CADPS: variants seen among roughly 807,000 people sequenced by gnomAD.
The protein encoded by CADPS is calcium-dependent secretion activator 1.
CADPS carries 57 observed loss-of-function variants against 167.3 expected under a neutral mutation model. The observed-to-expected ratio is 0.34, with a 90% CI of 0.28 to 0.42. CADPS has a LOEUF of 0.42. Ranked by LOEUF, CADPS falls within the 20% of genes least tolerant of loss-of-function variation. CADPS has a pLI of 1.00. For synonymous variants in CADPS, 676 were observed against 635.3 expected (o/e 1.06, Z -0.96); for missense variants, 1,414 against 1,738.1 (o/e 0.81, Z 3.32).
chr3:62,686,725 T>C (rs1310532089), intron 3 of CADPS, among the ~76,000 whole-genome samples: 1 of 152,064 alleles, frequency 6.6e-6, no homozygotes, highest in Non-Finnish European at 1.5e-5. Flanking sequence ...GTCTGTCTTG[T>C]ATTGGTGACT....
chr3:62,800,831 G>A (rs189787110), intron 1 of CADPS, among the ~76,000 whole-genome samples: 123 of 152,148 alleles, frequency 8.1e-4, no homozygotes, highest in Middle Eastern at 3.4e-3. Context: ...CAGAAAACGC[G>A]TTTACAAAAC....
Position 62,874,492 on chromosome 3 carries a change from G to C in CADPS, c.441+97C>G. 1 of 951,324 alleles carries C rather than the reference G, an allele frequency of 1.1e-6. No individual in the cohort carries two copies. Among genetic ancestry groups the C allele is most frequent in the Non-Finnish European group, 1.6e-6 (1 of 627,756 alleles). The allele number at this position is 951,324 out of a possible 1,614,324, so 58.9% of individuals were successfully genotyped here. On this transcript the variant is annotated intron_variant, in intron 1 of 29. Coordinates refer to ENST00000383710, the MANE Select transcript of CADPS (RefSeq NM_003716.4). The surrounding 1 kb of genome is among the most constrained non-coding windows in gnomAD (Gnocchi z 7.1). ...CCAGGGCGCGGTCTCCACCTCTCCTGCTCCTCCTCGCCAGCTGCGCCGCCA... is the reference window on the plus strand; with the variant it reads ...CCAGGGCGCGGTCTCCACCTCTCCTCCTCCTCCTCGCCAGCTGCGCCGCCA...
At chr3:62,518,598 G>A (rs1309537881) in intron 13 of CADPS, among the ~76,000 whole-genome samples, 1 of 152,160 alleles carries the variant, frequency 6.6e-6, no homozygotes, top group East Asian at 1.9e-4. Context: ...AGGGAAGTTT[G>A]AGAATACGAT....
At chr3:62,477,636 T>G (rs1028138203) in intron 23 of CADPS, among the ~76,000 whole-genome samples, 4 of 152,178 alleles carry the variant, frequency 2.6e-5, no homozygotes, top group Admixed American at 6.5e-5. Flanking sequence ...ACAGCATTCC[T>G]AACCTAGTCC....
intron 3 of CADPS, among the ~76,000 whole-genome samples, chr3:62,739,627 A>G (rs4994163): frequency 0.4 from 60,642 of 151,970 alleles, 12,550 homozygotes; most frequent in African/African-American, 0.48. Flanking sequence ...CTCAGATTCC[A>G]CCCTTACTCT....
chr3:62,668,488 C>G (rs920624835), intron 3 of CADPS, among the ~76,000 whole-genome samples: 1 of 152,194 alleles, frequency 6.6e-6, no homozygotes, highest in Admixed American at 6.5e-5. Context: ...GCCTGGAGCA[C>G]TCTTCCTTAT....
chr3:62,527,342 T>C (rs1016126366), intron 13 of CADPS, among the ~76,000 whole-genome samples: 5 of 152,136 alleles, frequency 3.3e-5, no homozygotes, highest in Admixed American at 2.0e-4. Flanking sequence ...TTATAGGATG[T>C]TTAATAATAT....
chr3:62,528,717 A>G (rs987238387), intron 13 of CADPS, among the ~76,000 whole-genome samples: 1 of 152,338 alleles, frequency 6.6e-6, no homozygotes, highest in East Asian at 1.9e-4. Flanking sequence ...TCTTCAGCAT[A>G]TAAGTACAGT....
chr3:62,448,012 G>A (rs2057476116), intron 26 of CADPS, among the ~76,000 whole-genome samples: 2 of 152,048 alleles, frequency 1.3e-5, no homozygotes, highest in South Asian at 2.1e-4. Context: ...AATCAGATCC[G>A]TTTACAATCG....
At chr3:62,645,970 G>A in intron 5 of CADPS, 127 bp from the exon 6 acceptor site, 1 of 1,025,504 alleles carries the variant, frequency 9.8e-7, no homozygotes, top group Admixed American at 2.3e-5. Context: ...TGTTAGGTTT[G>A]TACCAGTCAT....
At chr3:62,597,435 A>C (rs1165102092) in intron 6 of CADPS, among the ~76,000 whole-genome samples, 1 of 152,208 alleles carries the variant, frequency 6.6e-6, no homozygotes, top group Non-Finnish European at 1.5e-5. Flanking sequence ...TTTCTGCTGG[A>C]AACCAAAAGA....
At chr3:62,865,693 T>C (rs187020473) in intron 1 of CADPS, among the ~76,000 whole-genome samples, 1 of 152,234 alleles carries the variant, frequency 6.6e-6, no homozygotes, top group South Asian at 2.1e-4. Flanking sequence ...AAAGTCCATA[T>C]CTAAGAAGCA....
intron 6 of CADPS, among the ~76,000 whole-genome samples, chr3:62,605,919 C>G (rs2060635283): frequency 6.6e-6 from 1 of 152,186 alleles, no homozygotes; most frequent in Admixed American, 6.5e-5. Context: ...TTTGTGTTTT[C>G]TCAGTCTGAG....
intron 3 of CADPS, among the ~76,000 whole-genome samples, chr3:62,740,732 C>A (rs778001089): frequency 6.6e-6 from 1 of 152,144 alleles, no homozygotes; most frequent in Non-Finnish European, 1.5e-5. Context: ...CCACTAACTA[C>A]CATCACCAAC....
At chr3:62,428,625 A>G (rs2053271845) in intron 28 of CADPS, among the ~76,000 whole-genome samples, 1 of 152,062 alleles carries the variant, frequency 6.6e-6, no homozygotes, top group African/African-American at 2.4e-5. Context: ...AACAATTCCT[A>G]AGCTCGACTT....
At chr3:62,690,921 C>T (rs2078991846) in intron 3 of CADPS, among the ~76,000 whole-genome samples, 1 of 151,920 alleles carries the variant, frequency 6.6e-6, no homozygotes, top group Admixed American at 6.6e-5. Context: ...AACTTAGAAG[C>T]AAACAAGACA....
At chr3:62,735,961 A>G (rs1020579514) in intron 3 of CADPS, among the ~76,000 whole-genome samples, 1 of 152,350 alleles carries the variant, frequency 6.6e-6, no homozygotes, top group Non-Finnish European at 1.5e-5. Context: ...TCCAGCTATT[A>G]TAATACAGTC....
intron 3 of CADPS, among the ~76,000 whole-genome samples, chr3:62,676,256 C>T (rs181296265): frequency 8.3e-4 from 127 of 152,116 alleles, no homozygotes; most frequent in Non-Finnish European, 1.5e-3. Context: ...TGAAGTGAAA[C>T]CCAAATGATT....
chr3:62,499,193 A>G lies in CADPS; in HGVS notation c.2675T>C (p.Val892Ala). The G allele has an allele frequency of 6.2e-7, 1 of 1,613,684 alleles. No individual in the cohort carries two copies. The highest frequency in any genetic ancestry group is 8.5e-7 in the Non-Finnish European group (1 of 1,179,588). The change falls in exon 18 of 30, where the codon GTT (valine) becomes GCT (alanine). Residue 892 changes from valine to alanine, a missense_variant. By Grantham distance (64) the Val-to-Ala change is moderately conservative. Transcript: ENST00000383710. ...GTGGTGCTCCTCATTTTGCTGAAGA[A>G]CTTCAATGACTAGTTCAGCAAGACG... is the stretch of plus-strand genomic sequence containing the variant. ...TIRLAELVIE[V>A]LQQNEEHHAE...
Sources: gnomAD v4.1 joint callset for allele counts (sites outside exome capture counted in the v4.1 genomes callset) on GRCh38, gnomAD v4.1.1 for gene constraint, Gnocchi (gnomAD v3.1) non-coding constraint, MANE v1.5 for transcripts, NCBI Gene and HGNC (gene_info 2026-07-23, HGNC 2026-07-21) for gene names.